Variants in SCOC observed in about 807,000 individuals in gnomAD.
SCOC encodes the protein short coiled coil protein.
A neutral mutation model predicts 9.9 loss-of-function variants in SCOC; 7 were observed. The observed-to-expected ratio is 0.71, with a 90% confidence interval of 0.40 to 1.33. The LOEUF (loss-of-function observed/expected upper bound fraction) is 1.33, where lower values mean the gene tolerates loss of function less well. Among genes scored for constraint, SCOC ranks in the 40% most tolerant of loss-of-function variants. The pLI, the probability that SCOC is intolerant of heterozygous loss-of-function variation, is 0.01. For missense variants in SCOC, 66 were observed against 89.7 expected (o/e 0.74, Z 1.07); for synonymous variants, 19 against 28.2 (o/e 0.67, Z 1.03).
intron 1 of SCOC, among the ~76,000 whole-genome samples, chr4:140,311,152 C>T (rs890012922): frequency 6.6e-6 from 1 of 152,170 alleles, no homozygotes; most frequent in Admixed American, 6.5e-5. Flanking sequence ...GGGAGGACCA[C>T]TTGAGCCCAG....
chr4:140,371,365 G>A (rs1436714251), upstream of SCOC, among the ~76,000 whole-genome samples: 2 of 152,068 alleles, frequency 1.3e-5, no homozygotes, highest in East Asian at 1.9e-4. Flanking sequence ...ACAGACATAC[G>A]CTTTTCTTCT....
intron 2 of SCOC, 149 bp downstream of exon 2, chr4:140,379,341 C>A: frequency 1.4e-6 from 1 of 710,714 alleles, no homozygotes; most frequent in Non-Finnish European, 2.5e-6. Flanking sequence ...TAGAAAGGAC[C>A]AACCAAAGCA....
intron 1 of SCOC, among the ~76,000 whole-genome samples, chr4:140,319,067 G>A (rs1159582366): frequency 6.6e-6 from 1 of 152,046 alleles, no homozygotes; most frequent in Non-Finnish European, 1.5e-5. Flanking sequence ...TCTACTGTGA[G>A]CTCAGGCTTC....
chr4:140,379,715 T>C, intron 3 of SCOC, 63 bp downstream of exon 3: 1 of 1,215,034 alleles, frequency 8.2e-7, no homozygotes, highest in Non-Finnish European at 1.2e-6. Flanking sequence ...TAAAAATTTA[T>C]ATTGCTAAAT....
chr4:140,281,461 G>A (rs931723466), intron 1 of SCOC, among the ~76,000 whole-genome samples: 2 of 152,188 alleles, frequency 1.3e-5, no homozygotes, highest in Admixed American at 6.5e-5. Context: ...CCATCCCAAG[G>A]CTCCACATAT....
intron 1 of SCOC, among the ~76,000 whole-genome samples, chr4:140,304,490 T>C (rs1731907275): frequency 6.6e-6 from 1 of 152,094 alleles, no homozygotes; most frequent in Non-Finnish European, 1.5e-5. Flanking sequence ...GGATTATACA[T>C]CTGCACAAAG....
intron 1 of SCOC, among the ~76,000 whole-genome samples, chr4:140,375,495 C>G (rs1728306364): frequency 6.6e-6 from 1 of 152,148 alleles, no homozygotes; most frequent in Non-Finnish European, 1.5e-5. Context: ...AATCTGAATC[C>G]ATATTGTTAA....
At chr4:140,258,053 G>A (rs934774727) in intron 1 of SCOC, among the ~76,000 whole-genome samples, 7 of 152,146 alleles carry the variant, frequency 4.6e-5, no homozygotes, top group South Asian at 2.1e-4. Flanking sequence ...CACATAGGTC[G>A]TCCGGCTGCT....
At chr4:140,305,747 G>A (rs1165677227) in intron 1 of SCOC, among the ~76,000 whole-genome samples, 2 of 152,140 alleles carry the variant, frequency 1.3e-5, no homozygotes, top group African/African-American at 4.8e-5. Flanking sequence ...GGGAGCTCAC[G>A]AATCACGGAT....
rs551307047 is a variant in SCOC at position 140,366,719 on chromosome 4, G to A, written c.71-12402G>A. The A allele has an allele frequency of 9.0e-5, 142 of 1,583,982 alleles. 2 individuals carry two copies. In the South Asian group the frequency reaches 1.3e-3, roughly 15 times the overall value. ...TGCATGCACTTGAAAGGCATGGTCTGTCTCCTCACTTGAGTGCAAGGTCCA... is the reference window on the plus strand; with the variant it reads ...TGCATGCACTTGAAAGGCATGGTCTATCTCCTCACTTGAGTGCAAGGTCCA... On this transcript the variant is annotated intron_variant, in intron 2 of 4. Transcript: ENST00000338517.
At chr4:140,347,359 G>A (rs1343129061) in intron 2 of SCOC, among the ~76,000 whole-genome samples, 1 of 152,112 alleles carries the variant, frequency 6.6e-6, no homozygotes, top group Non-Finnish European at 1.5e-5. Flanking sequence ...TAGCTGAACT[G>A]GCCCCACTTC....
chr4:140,288,573 C>T (rs1356505416), intron 1 of SCOC, among the ~76,000 whole-genome samples: 1 of 151,768 alleles, frequency 6.6e-6, no homozygotes, highest in Non-Finnish European at 1.5e-5. Flanking sequence ...TACACATGTA[C>T]CACCCATACC....
intron 1 of SCOC, among the ~76,000 whole-genome samples, chr4:140,306,242 A>G (rs1381855728): frequency 2.0e-5 from 3 of 152,086 alleles, no homozygotes; most frequent in Non-Finnish European, 4.4e-5. Flanking sequence ...AAACCATCAG[A>G]TCTCGTGAGA....
intron 3 of SCOC, 125 bp downstream of exon 3, chr4:140,379,777 C>CAT (rs999851186): frequency 2.4e-5 from 15 of 636,290 alleles, no homozygotes; most frequent in Non-Finnish European, 4.2e-5. Context: ...AAAGTACACA[C>CAT]ATATATATAT....
At chr4:140,293,185 C>A (rs984737611) in intron 1 of SCOC, 2 of 411,486 alleles carry the variant, frequency 4.9e-6, no homozygotes, top group Admixed American at 2.7e-5. Flanking sequence ...TCTCCCCCAA[C>A]AGAATGTTTT....
At chr4:140,373,300 C>T (rs1728139761), upstream of SCOC, 2 of 1,382,302 alleles carry the variant, frequency 1.4e-6, no homozygotes, top group Admixed American at 6.5e-5. Flanking sequence ...TCATACCAGC[C>T]TCTTTCCTGA....
chr4:140,261,231 G>T (rs1730626029), intron 1 of SCOC, among the ~76,000 whole-genome samples: 1 of 152,180 alleles, frequency 6.6e-6, no homozygotes, highest in South Asian at 2.1e-4. Context: ...GGGGTTTGTT[G>T]TCCGTGGCAC....
At chr4:140,376,693 T>A (rs570701840) in intron 1 of SCOC, 1 of 152,222 alleles carries the variant, frequency 6.6e-6, no homozygotes, top group Non-Finnish European at 1.5e-5. Flanking sequence ...ACACTGTTGC[T>A]AAACCATGCA....
upstream of SCOC, among the ~76,000 whole-genome samples, chr4:140,339,232 A>C (rs1392212929): frequency 3.3e-5 from 5 of 152,274 alleles, no homozygotes; most frequent in East Asian, 9.6e-4. Flanking sequence ...GGTGCTGGGA[A>C]AACTGGCTAG....
Sources: allele counts gnomAD v4.1 joint callset (sites outside exome capture counted in the v4.1 genomes callset), GRCh38; gene constraint gnomAD v4.1.1; transcripts MANE v1.5; gene names NCBI Gene and HGNC (gene_info 2026-07-23, HGNC 2026-07-21).